CELF4: variants seen among roughly 807,000 people sequenced by gnomAD.
The protein encoded by CELF4 is CUGBP Elav-like family member 4, also known as CUG-BP- and ETR-3-like factor 4.
CELF4 carries 18 observed loss-of-function variants against 59.9 expected under a neutral mutation model. The observed-to-expected ratio is 0.30, with a 90% CI of 0.21 to 0.45. The LOEUF is 0.45. Among genes scored for constraint, CELF4 ranks in the 20% least tolerant of loss-of-function variants. CELF4 has a pLI of 1.00. For synonymous variants in CELF4, 261 were observed against 267.1 expected (o/e 0.98, Z 0.22); for missense variants, 456 against 689.0 (o/e 0.66, Z 3.79).
At chr18:37,361,761 G>A (rs2098706485) in intron 2 of CELF4, among the ~76,000 whole-genome samples, 2 of 151,828 alleles carry the variant, frequency 1.3e-5, no homozygotes, top group African/African-American at 4.8e-5. Context: ...CTTTGCTCCA[G>A]CCTCATTGGG....
In CELF4 at chr18:37,535,160, G is replaced by A. The variant is rs1303249385; in HGVS notation, c.286+30196C>T. On this transcript the variant is annotated intron_variant, in intron 1 of 12. Coordinates refer to ENST00000420428, the MANE Select transcript of CELF4 (RefSeq NM_020180.4). ...TCTCCAACAATAGAACACCATGCTGGAAATCCTCCCTGACTATGGAGGATT... is the reference window on the plus strand; with the variant it reads ...TCTCCAACAATAGAACACCATGCTGAAAATCCTCCCTGACTATGGAGGATT... 6.6e-5 allele frequency among the ~76,000 whole-genome samples: 10 copies of A among 152,312 alleles called. No homozygotes were observed. In the South Asian group the frequency reaches 1.7e-3, roughly 25 times the overall value.
rs547562803 is a variant in CELF4, at chr18:37,506,939, G to T, written c.287-21332C>A. 3.9e-5 allele frequency among the ~76,000 whole-genome samples: 6 copies of T among 152,244 alleles called. No individual in the cohort carries two copies. The South Asian group carries it at 6.2e-4, about 16-fold the overall frequency. On this transcript the variant is annotated intron_variant, in intron 1 of 12. Coordinates refer to ENST00000420428, the MANE Select transcript of CELF4 (RefSeq NM_020180.4). ...GGGGGTCAGGCACCCTCGTTTCCTT[G>T]GGCCAGATGAAAAGGAGTGAGGAAA...
intron 1 of CELF4, among the ~76,000 whole-genome samples, chr18:37,545,674 A>C (rs2099981022): frequency 6.6e-6 from 1 of 151,888 alleles, no homozygotes; most frequent in South Asian, 2.1e-4. Context: ...GCCTGGATGG[A>C]GGCAGTGGGG....
intron 10 of CELF4, among the ~76,000 whole-genome samples, chr18:37,262,441 G>A (rs1212676428): frequency 6.6e-6 from 1 of 152,156 alleles, no homozygotes; most frequent in Admixed American, 6.5e-5. Context: ...CAGAGATGGA[G>A]AGAAGGAATG....
At chr18:37,289,583 A>C (rs1032389510) in intron 3 of CELF4, among the ~76,000 whole-genome samples, 1 of 150,708 alleles carries the variant, frequency 6.6e-6, no homozygotes, top group Admixed American at 6.6e-5. Flanking sequence ...AGACTCTGCT[A>C]TCAGGGACAC....
chr18:37,555,693 C>T (rs1047901807), intron 1 of CELF4, among the ~76,000 whole-genome samples: 2 of 152,190 alleles, frequency 1.3e-5, no homozygotes, highest in African/African-American at 4.8e-5. Context: ...TTTGTCCACA[C>T]AACTGAATCA....
intron 3 of CELF4, among the ~76,000 whole-genome samples, chr18:37,294,123 G>A (rs1338909274): frequency 1.3e-5 from 2 of 152,186 alleles, no homozygotes; most frequent in African/African-American, 4.8e-5. Flanking sequence ...ACTGTGGCAC[G>A]GGTGAGGGTG....
intron 2 of CELF4, among the ~76,000 whole-genome samples, chr18:37,392,093 T>A (rs2099168596): frequency 6.6e-6 from 1 of 152,140 alleles, no homozygotes; most frequent in Non-Finnish European, 1.5e-5. Context: ...TCCACTTCTG[T>A]GACGATGACT....
intron 10 of CELF4, among the ~76,000 whole-genome samples, chr18:37,263,692 G>T (rs1487860322): frequency 6.6e-6 from 1 of 152,032 alleles, no homozygotes; most frequent in Non-Finnish European, 1.5e-5. Context: ...CCTGGCATCT[G>T]ACCCAAAGAT....
At chr18:37,325,858 C>G (rs750634276) in intron 2 of CELF4, among the ~76,000 whole-genome samples, 2 of 152,234 alleles carry the variant, frequency 1.3e-5, no homozygotes, top group Admixed American at 6.5e-5. Flanking sequence ...AGCATCCAGA[C>G]AGCCTTTGAG....
intron 8 of CELF4, among the ~76,000 whole-genome samples, chr18:37,267,381 G>T (rs1218509276): frequency 1.3e-5 from 2 of 152,200 alleles, no homozygotes; most frequent in East Asian, 3.9e-4. Context: ...GTTCCCTTCT[G>T]TTGTCTTTGC....
At chr18:37,561,659 CT>C (rs1322338436) in intron 1 of CELF4, among the ~76,000 whole-genome samples, 7 of 152,074 alleles carry the variant, frequency 4.6e-5, no homozygotes, top group Non-Finnish European at 5.9e-5. Flanking sequence ...CAGACACTGC[CT>C]CTTTTTGTTC....
intron 3 of CELF4, among the ~76,000 whole-genome samples, chr18:37,317,553 C>A (rs112185517): frequency 6.6e-5 from 10 of 152,246 alleles, no homozygotes; most frequent in African/African-American, 2.4e-4. Context: ...GGATAAGAAC[C>A]TTCCACAAAA....
intron 2 of CELF4, among the ~76,000 whole-genome samples, chr18:37,413,233 T>C (rs1485314146): frequency 6.6e-6 from 1 of 152,218 alleles, no homozygotes; most frequent in Non-Finnish European, 1.5e-5. Flanking sequence ...TCTTCATGTC[T>C]GTGTGTCTGC....
At chr18:37,504,437 G>C (rs1166536406) in intron 1 of CELF4, among the ~76,000 whole-genome samples, 1 of 143,214 alleles carries the variant, frequency 7.0e-6, no homozygotes, top group Non-Finnish European at 1.5e-5. Flanking sequence ...ATGGGTGACA[G>C]AGTGAGACTC....
intron 1 of CELF4, among the ~76,000 whole-genome samples, chr18:37,557,030 C>T (rs1243197993): frequency 1.3e-5 from 2 of 152,114 alleles, no homozygotes; most frequent in Admixed American, 6.5e-5. Flanking sequence ...ACAACTGAAT[C>T]CAAACAATGA....
At position 37,275,096 on chromosome 18, in the gene CELF4, C is replaced by T. The variant is rs1346704652; in HGVS notation, c.577+19G>A. 1.9e-6 allele frequency: 3 copies of T among 1,611,248 alleles called. No individual in the cohort carries two copies. The highest frequency in any genetic ancestry group is 1.3e-5 in the African/African-American group (1 of 74,874). On this transcript the variant is annotated intron_variant, in intron 4 of 12. Transcript: ENST00000420428. ...CGCCCCTCCCTCCGGGGCATCCCTCCCGGCCCCGCCCCGCGCACCCTTGCT... is the reference window on the plus strand; with the variant it reads ...CGCCCCTCCCTCCGGGGCATCCCTCTCGGCCCCGCCCCGCGCACCCTTGCT...
intron 2 of CELF4, among the ~76,000 whole-genome samples, chr18:37,376,140 CCTT>C (rs1192270564): frequency 6.6e-6 from 1 of 152,128 alleles, no homozygotes; most frequent in African/African-American, 2.4e-5. Flanking sequence ...GCTGCCTTCA[CCTT>C]CTTTCTTCCT....
chr18:37,449,532 G>C (rs1396287200), intron 2 of CELF4, among the ~76,000 whole-genome samples: 2 of 152,160 alleles, frequency 1.3e-5, no homozygotes, highest in African/African-American at 4.8e-5. Context: ...CAGATCCGGG[G>C]ATACAGCGGT....
Sources: gnomAD v4.1 joint callset for allele counts (sites outside exome capture counted in the v4.1 genomes callset) on GRCh38, gnomAD v4.1.1 for gene constraint, MANE v1.5 for transcripts, NCBI Gene and HGNC (gene_info 2026-07-23, HGNC 2026-07-21) for gene names.